The following TMCC2 variants were observed in gnomAD, a reference collection of about 807,000 sequenced individuals.
TMCC2 encodes transmembrane and coiled-coil domain family 2, also known as transmembrane and coiled-coil domains protein 2.
TMCC2 carries 16 observed loss-of-function variants against 49.4 expected under a neutral mutation model. That is an observed-to-expected ratio of 0.32 (90% CI 0.22 to 0.49). The LOEUF (loss-of-function observed/expected upper bound fraction) is 0.49. Among genes scored for constraint, TMCC2 ranks in the 20% least tolerant of loss-of-function variants. The pLI, the probability that TMCC2 is intolerant of heterozygous loss-of-function variation, is 0.99. For missense variants in TMCC2, 762 were observed against 989.8 expected (o/e 0.77, Z 3.09); for synonymous variants, 397 against 434.1 (o/e 0.91, Z 1.06).
At position 205,269,378 on chromosome 1, in the gene TMCC2, C is replaced by T. The variant is rs756908642; in HGVS notation, c.1176C>T (p.Arg392=). The change falls in exon 3 of 5, where the codon CGC becomes CGT. Residue 392 remains arginine (R), a synonymous_variant. Coordinates refer to ENST00000358024, the MANE Select transcript of TMCC2 (RefSeq NM_014858.4). ...QGLKDVGANV[R]AGISGFGGGV... is the part of the protein sequence containing the mutation. Reference sequence around the variant, plus strand: ...TGAAGGACGTGGGCGCCAACGTGCGCGCAGGCATCAGCGGCTTTGGGGGCG... The same window carrying T: ...TGAAGGACGTGGGCGCCAACGTGCGTGCAGGCATCAGCGGCTTTGGGGGCG... The T allele has an allele frequency of 3.0e-5, 49 of 1,610,768 alleles. No individual in the cohort carries two copies. In the East Asian group the frequency reaches 3.3e-4, roughly 11 times the overall value.
intron 2 of TMCC2, among the ~76,000 whole-genome samples, chr1:205,266,105 G>A (rs1270355752): frequency 6.6e-6 from 1 of 151,378 alleles, no homozygotes; most frequent in Non-Finnish European, 1.5e-5. Flanking sequence ...GCCGGGCATG[G>A]TGGCAGGCGC....
intron 1 of TMCC2, chr1:205,229,841 C>G (rs1659721757): frequency 3.0e-6 from 3 of 985,426 alleles, no homozygotes; most frequent in Non-Finnish European, 3.6e-6. Context: ...GAATATATCT[C>G]TATCAATTAA....
At chr1:205,240,678 T>C (rs1284709146) in intron 1 of TMCC2, among the ~76,000 whole-genome samples, 1 of 152,202 alleles carries the variant, frequency 6.6e-6, no homozygotes, top group African/African-American at 2.4e-5. Context: ...TCCCTTGGGC[T>C]CCACCATCTG....
At chr1:205,237,590 T>C (rs1157201787) in intron 1 of TMCC2, among the ~76,000 whole-genome samples, 1 of 152,240 alleles carries the variant, frequency 6.6e-6, no homozygotes, top group African/African-American at 2.4e-5. Flanking sequence ...TTTTGGTCAT[T>C]TTTAACCAGA....
At chr1:205,242,192 A>C in intron 2 of TMCC2, 148 bp downstream of exon 2, 1 of 926,966 alleles carries the variant, frequency 1.1e-6, no homozygotes, top group Non-Finnish European at 1.5e-6. Flanking sequence ...TGGTTAAAGG[A>C]GTCGGGTATG....
chr1:205,247,686 C>T (rs767782556), intron 2 of TMCC2, among the ~76,000 whole-genome samples: 58 of 152,188 alleles, frequency 3.8e-4, no homozygotes, highest in Non-Finnish European at 7.6e-4. Flanking sequence ...CTAGTAAACA[C>T]AGCCCCACAT....
Position 205,269,900 on chromosome 1 carries a change from C to T in TMCC2, c.1682+16C>T. 5.0e-6 allele frequency: 8 copies of T among 1,602,048 alleles called. No individual in the cohort carries two copies. The highest frequency in any genetic ancestry group is 6.8e-6 in the Non-Finnish European group (8 of 1,173,054). On this transcript the variant is annotated intron_variant, in intron 3 of 4. Transcript: ENST00000358024. ...AGCGCTACAGGTAGGTGCCTGCCCACCCCCTCCTGCAGCCCAGCCGGACGT... is the reference window on the plus strand; with the variant it reads ...AGCGCTACAGGTAGGTGCCTGCCCATCCCCTCCTGCAGCCCAGCCGGACGT...
At chr1:205,236,523 G>T (rs896319) in intron 1 of TMCC2, 143,085 of 152,302 alleles carry the variant, frequency 0.94, 67,289 homozygotes, top group East Asian at 1. Flanking sequence ...CTTCCATGTT[G>T]GTGTTGAGGC....
At chr1:205,228,855 A>G in intron 1 of TMCC2, 84 bp downstream of exon 1, 1 of 1,481,396 alleles carries the variant, frequency 6.8e-7, no homozygotes, top group Non-Finnish European at 9.0e-7. Flanking sequence ...ACAGGATAAA[A>G]GTGAGGGGGG....
rs1007188867 is a variant in TMCC2 at position 205,257,301 on chromosome 1, A to G, written c.748-11649A>G. ...CGGGGGCCTGACACAGTCCGCAGAC[A>G]GCTGGGGCCTCAGAGCCCCGGGTAC... On this transcript the variant is annotated intron_variant, in intron 2 of 4. Coordinates refer to ENST00000358024, the MANE Select transcript of TMCC2 (RefSeq NM_014858.4). 4.1e-6 allele frequency: 5 copies of G among 1,232,136 alleles called. No individual in the cohort carries two copies. In the African/African-American group the frequency reaches 7.8e-5, roughly 19 times the overall value. 76.3% of individuals were successfully genotyped at this position (1,232,136 alleles called of 1,614,324 possible).
In TMCC2 at chr1:205,229,473, A is replaced by G. The variant is rs553461007; in HGVS notation, c.207+702A>G. On this transcript the variant is annotated intron_variant, in intron 1 of 4. Coordinates refer to ENST00000358024, the MANE Select transcript of TMCC2 (RefSeq NM_014858.4). The stretch of plus-strand genomic sequence containing the variant: ...AGTGCTGGGATTACAGGCGTGAGCC[A>G]CCGTGCCGGGCCCCATTGGGATCTT... 1,520 of 290,276 alleles carry G rather than the reference A, an allele frequency of 5.2e-3. 3 individuals carry two copies. The highest frequency in any genetic ancestry group is 6.7e-3 in the Non-Finnish European group (1,359 of 203,812). The allele number at this position is 290,276 out of a possible 1,614,324, so 18.0% of individuals were successfully genotyped here.
chr1:205,264,147 C>T lies in TMCC2; in HGVS notation c.748-4803C>T, dbSNP rs1661225720. ...TGAAGGAGATTGGTTCCAAGACCCCCTGCAGATACCAAAGTTCCAGATTGC... is the reference window on the plus strand; with the variant it reads ...TGAAGGAGATTGGTTCCAAGACCCCTTGCAGATACCAAAGTTCCAGATTGC... On this transcript the variant is annotated intron_variant, in intron 2 of 4. Transcript: ENST00000358024. The surrounding 1 kb of genome is among the most constrained non-coding windows in gnomAD (Gnocchi z 4.2). Among the ~76,000 whole-genome samples, 2 of 152,216 alleles carry T rather than the reference C, an allele frequency of 1.3e-5. No individual in the cohort carries two copies. The highest frequency in any genetic ancestry group is 4.1e-4 in the South Asian group (2 of 4,832).
chr1:205,262,934 A>T (rs890451017), intron 2 of TMCC2, among the ~76,000 whole-genome samples: 2 of 152,116 alleles, frequency 1.3e-5, no homozygotes, highest in African/African-American at 4.8e-5. Context: ...GTCCGTAGTA[A>T]AAGTCTCTGG....
chr1:205,241,700 G>A lies in TMCC2; in HGVS notation c.403G>A (p.Ala135Thr), dbSNP rs1445166472. 2 of 1,613,532 alleles carry A rather than the reference G, an allele frequency of 1.2e-6. No homozygotes were observed. Among genetic ancestry groups the A allele is most frequent in the African/African-American group, 1.3e-5 (1 of 74,928 alleles). ...RSPEMHRVSY[A>T]MSLHDLPARP... The stretch of plus-strand genomic sequence containing the variant: ...TCCGGAGATGCATCGCGTCTCCTAC[G>A]CCATGTCCCTGCACGACCTGCCCGC... Residue 135 changes from alanine to threonine, a missense_variant, in exon 2 of 5, where the codon GCC becomes ACC. Ala to Thr is a moderately conservative substitution (Grantham distance 58). Around this residue, in one of 2 missense-constraint regions of TMCC2, gnomAD observed 322 missense variants for 353.1 expected, o/e 0.91. Transcript: ENST00000358024. This position sits in a 1 kb window ranked among gnomAD's most constrained non-coding sequence, Gnocchi z 7.3.
At chr1:205,248,728 T>C (rs1660552888) in intron 2 of TMCC2, among the ~76,000 whole-genome samples, 1 of 152,096 alleles carries the variant, frequency 6.6e-6, no homozygotes, top group Non-Finnish European at 1.5e-5. Flanking sequence ...TTCTTTTTTT[T>C]TTTTAACAGC....
chr1:205,246,763 T>C, intron 2 of TMCC2: 1 of 1,470,622 alleles, frequency 6.8e-7, no homozygotes, highest in Non-Finnish European at 9.2e-7. Context: ...GGTATGCAGC[T>C]ATTTTATGAG....
intron 2 of TMCC2, among the ~76,000 whole-genome samples, chr1:205,261,025 C>A (rs564618976): frequency 3.6e-4 from 55 of 152,038 alleles, no homozygotes; most frequent in African/African-American, 1.3e-3. Context: ...ATTTTCAATT[C>A]GTTTGGGAAT....
chr1:205,267,086 G>A (rs1176607986), intron 2 of TMCC2, among the ~76,000 whole-genome samples: 1 of 152,176 alleles, frequency 6.6e-6, no homozygotes, highest in East Asian at 1.9e-4. Flanking sequence ...AGCACCTGCT[G>A]GGAGGTCAAG....
chr1:205,229,195 G>GTGTA (rs752197539), intron 1 of TMCC2: 62 of 637,390 alleles, frequency 9.7e-5, no homozygotes, highest in Middle Eastern at 1.5e-3. Context: ...GTGTGTGTGT[G>GTGTA]TGTATGTGTG....
Sources: gnomAD v4.1 joint callset for allele counts (sites outside exome capture counted in the v4.1 genomes callset) on GRCh38, gnomAD v4.1.1 for gene constraint, gnomAD v4.1.1 regional missense constraint, Gnocchi (gnomAD v3.1) non-coding constraint, MANE v1.5 for transcripts, NCBI Gene and HGNC (gene_info 2026-07-23, HGNC 2026-07-21) for gene names.